The following PRKX variants were observed in gnomAD, a reference collection of about 807,000 sequenced individuals.
PRKX encodes protein kinase cAMP-dependent X-linked catalytic subunit, also known as cAMP-dependent protein kinase catalytic subunit PRKX.
PRKX carries 12 observed loss-of-function variants against 22.0 expected under a neutral mutation model. The ratio of observed to expected loss-of-function variants is 0.54; its 90% CI spans 0.35 to 0.88. The LOEUF (loss-of-function observed/expected upper bound fraction) is 0.88, where lower values mean the gene tolerates loss of function less well. PRKX is among the 40% of genes least tolerant of loss of function. The pLI is 0.01. For synonymous variants in PRKX, 134 were observed against 137.7 expected (o/e 0.97, Z 0.19); for missense variants, 217 against 308.0 (o/e 0.70, Z 2.21).
At chrX:3,673,027 G>A (rs1183836015) in intron 2 of PRKX, among the ~76,000 whole-genome samples, 1 of 110,903 alleles carries the variant, frequency 9.0e-6, no homozygotes, top group African/African-American at 3.3e-5. Context: ...GAAAGGAAGG[G>A]AGGAAGGGAG....
At chrX:3,648,211 G>T (rs1927229861) in intron 3 of PRKX, among the ~76,000 whole-genome samples, 1 of 111,440 alleles carries the variant, frequency 9.0e-6, no homozygotes, top group South Asian at 3.8e-4. Context: ...GAATCACATG[G>T]TCTCTGTTAC....
intron 1 of PRKX, among the ~76,000 whole-genome samples, chrX:3,687,547 G>A (rs1928202212): frequency 9.0e-6 from 1 of 111,401 alleles, no homozygotes; most frequent in Non-Finnish European, 1.9e-5. Flanking sequence ...AAACACAGCT[G>A]GCACAACAGT....
chrX:3,624,688 T>G (rs1199042121), intron 5 of PRKX, among the ~76,000 whole-genome samples: 1 of 111,015 alleles, frequency 9.0e-6, no homozygotes, highest in Non-Finnish European at 1.9e-5. Context: ...GGTGCAATCA[T>G]AGGTCACTGC....
intron 2 of PRKX, among the ~76,000 whole-genome samples, chrX:3,663,425 T>TACATACACACAC (rs1927647416): frequency 1.6e-5 from 1 of 60,916 alleles, no homozygotes; most frequent in Admixed American, 2.1e-4. Context: ...ATCTTGTCCC[T>TACATACACACAC]ACACACACAC....
Position 3,626,648 on chromosome X carries a change from A to C in PRKX, c.720-134T>G, listed in dbSNP as rs866531125. 9.3e-6 allele frequency: 5 copies of C among 536,149 alleles called. No homozygotes were observed. In the Middle Eastern group the frequency reaches 1.1e-3, roughly 122 times the overall value. 44.2% of individuals were successfully genotyped at this position (536,149 alleles called of 1,213,427 possible). A position where few individuals can be genotyped will look rare whatever the true frequency, so the allele number is the denominator to read the frequency against. Reference sequence around the variant, plus strand: ...TCACATGCTCTTCCCCGCACACTGAAGTTGTCACGATCTGAAAGCACGTGA... The same window carrying C: ...TCACATGCTCTTCCCCGCACACTGACGTTGTCACGATCTGAAAGCACGTGA... On this transcript the variant is annotated intron_variant, in intron 4 of 8. Coordinates refer to ENST00000262848, the MANE Select transcript of PRKX (RefSeq NM_005044.5).
chrX:3,687,292 G>A (rs1273353507), intron 1 of PRKX, among the ~76,000 whole-genome samples: 2 of 111,987 alleles, frequency 1.8e-5, no homozygotes, highest in Non-Finnish European at 3.8e-5. Context: ...GAGCCACTGC[G>A]CCCAGACTTA....
chrX:3,668,916 CACAATAA>C (rs1927791016), intron 2 of PRKX, among the ~76,000 whole-genome samples: 1 of 112,536 alleles, frequency 8.9e-6, no homozygotes, highest in Non-Finnish European at 1.9e-5. Context: ...TTCTGCTCCC[CACAATAA>C]ACACTGGACA....
At chrX:3,673,137 C>T (rs1041614233) in intron 2 of PRKX, among the ~76,000 whole-genome samples, 2 of 111,607 alleles carry the variant, frequency 1.8e-5, no homozygotes, top group African/African-American at 6.5e-5. Context: ...ACACGAGGTG[C>T]TTCAAGAACA....
chrX:3,641,459 G>A (rs778114831), intron 4 of PRKX: 49 of 154,698 alleles, frequency 3.2e-4, no homozygotes, highest in Non-Finnish European at 4.9e-4. Flanking sequence ...CTAAACAAGC[G>A]CAGAAGTGAT....
At chrX:3,702,213 A>G (rs1928592678) in intron 1 of PRKX, among the ~76,000 whole-genome samples, 1 of 112,436 alleles carries the variant, frequency 8.9e-6, no homozygotes, top group Non-Finnish European at 1.9e-5. Flanking sequence ...GGCAGGCTTC[A>G]CAGGGTCCCC....
At chrX:3,648,246 C>T (rs746379302) in intron 3 of PRKX, among the ~76,000 whole-genome samples, 1 of 111,429 alleles carries the variant, frequency 9.0e-6, no homozygotes, top group South Asian at 3.8e-4. Context: ...GCTACGGTAG[C>T]TCAAAAGCCC....
chrX:3,648,035 G>A (rs1160981817), intron 3 of PRKX, among the ~76,000 whole-genome samples: 7 of 111,627 alleles, frequency 6.3e-5, no homozygotes, highest in East Asian at 5.6e-4. Context: ...GTTTATCAAC[G>A]CGTAGAATGT....
intron 1 of PRKX, among the ~76,000 whole-genome samples, chrX:3,711,920 G>C (rs775651563): frequency 9.0e-6 from 1 of 111,223 alleles, no homozygotes; most frequent in African/African-American, 3.3e-5. Flanking sequence ...GAGGGAGGGA[G>C]AGGAGAAAGA....
At chrX:3,643,697 C>A (rs763678491) in intron 3 of PRKX, among the ~76,000 whole-genome samples, 3 of 110,937 alleles carry the variant, frequency 2.7e-5, no homozygotes, top group African/African-American at 9.8e-5. Flanking sequence ...TCCCTCCCAC[C>A]ACTCAGATCA....
chrX:3,689,641 C>T (rs1290153348), intron 1 of PRKX, among the ~76,000 whole-genome samples: 1 of 112,036 alleles, frequency 8.9e-6, no homozygotes, highest in African/African-American at 3.2e-5. Flanking sequence ...GATCGCACCC[C>T]TGTGCTCTAA....
rs778630075 is a variant in PRKX, at chrX:3,655,231, A to C, written c.517T>G (p.Leu173Val). Residue 173 changes from leucine (L) to valine (V), a missense_variant, in exon 3 of 9, where the codon TTG becomes GTG. Transcript: ENST00000262848. ...TCCAGCAGGATGTTCTCTGGCTTCA[A>C]GTCCCTGTAGACGATCTCTTTGGAG... ...LHSKEIVYRD[L>V]KPENILLDRD... The C allele has an allele frequency of 1.7e-6, 2 of 1,212,034 alleles. No homozygotes were observed. The highest frequency in any genetic ancestry group is 3.5e-5 in the South Asian group (2 of 57,024).
rs1455386717 is a variant in PRKX, at chrX:3,637,915, C to T, written c.719+3937G>A. ...TCCCGAGTAGCTAGGATTACAGGCA[C>T]CATGCCTGGCTTTTTTTTGTATGTG... On this transcript the variant is annotated intron_variant, in intron 4 of 8. Transcript: ENST00000262848. 2.7e-5 allele frequency among the ~76,000 whole-genome samples: 3 copies of T among 109,781 alleles called. No individual in the cohort carries two copies. In the East Asian group the frequency reaches 8.6e-4, roughly 32 times the overall value.
intron 3 of PRKX, among the ~76,000 whole-genome samples, chrX:3,648,890 C>T (rs62583672): frequency 0.073 from 7,928 of 108,895 alleles, 332 homozygotes; most frequent in Non-Finnish European, 0.12. Flanking sequence ...ACTATCCTGG[C>T]CAACATAGTG....
intron 4 of PRKX, chrX:3,641,474 G>A: frequency 5.9e-6 from 1 of 169,801 alleles, no homozygotes; most frequent in Non-Finnish European, 1.1e-5. Context: ...AGTGATAAGG[G>A]GGGAAAAGAG....
Sources: gnomAD v4.1 joint callset for allele counts (sites outside exome capture counted in the v4.1 genomes callset) on GRCh38, gnomAD v4.1.1 for gene constraint, MANE v1.5 for transcripts, NCBI Gene and HGNC (gene_info 2026-07-23, HGNC 2026-07-21) for gene names.